Variants in TTC39C observed in about 807,000 individuals in gnomAD.
The protein encoded by TTC39C is tetratricopeptide repeat domain 39C.
A neutral mutation model predicts 76.3 loss-of-function variants in TTC39C; 33 were observed. The ratio of observed to expected loss-of-function variants is 0.43; its 90% CI spans 0.33 to 0.58. The LOEUF is 0.58. Among genes scored for constraint, TTC39C ranks in the 20% least tolerant of loss-of-function variants. TTC39C has a pLI of 0.04. For synonymous variants in TTC39C, 254 were observed against 260.6 expected, an observed-to-expected ratio of 0.97 and a Z score of 0.24; for missense variants, 595 against 701.4, an observed-to-expected ratio of 0.85 and a Z score of 1.71.
intron 7 of TTC39C, chr18:24,115,142 C>T (rs2084874581): frequency 1.3e-5 from 2 of 152,880 alleles, no homozygotes; most frequent in African/African-American, 4.8e-5. Flanking sequence ...CGTGTGAAAC[C>T]TCATGCAGGG....
At chr18:24,130,980 T>TCAAAAC (rs1340996522) in intron 12 of TTC39C, among the ~76,000 whole-genome samples, 1 of 107,996 alleles carries the variant, frequency 9.3e-6, no homozygotes, top group African/African-American at 3.6e-5. Context: ...GCCCAGAAGT[T>TCAAAAC]CAAAACCAAC....
At chr18:24,066,258 C>A (rs1208872048) in intron 3 of TTC39C, 118 bp downstream of exon 3, 4 of 1,292,760 alleles carry the variant, frequency 3.1e-6, no homozygotes, top group Non-Finnish European at 4.2e-6. Flanking sequence ...ACTGAAAAAC[C>A]ACAATGTTTC....
At chr18:24,103,962 T>C (rs923893005) in intron 6 of TTC39C, among the ~76,000 whole-genome samples, 1 of 151,740 alleles carries the variant, frequency 6.6e-6, no homozygotes, top group South Asian at 2.1e-4. Flanking sequence ...GACGGAGTCT[T>C]GTTCTGTCAC....
chr18:24,051,827 G>A lies in TTC39C; in HGVS notation c.168-12313G>A, dbSNP rs796882150. 1.1e-4 allele frequency among the ~76,000 whole-genome samples: 16 copies of A among 152,282 alleles called. 1 individual carries two copies. The highest frequency in any genetic ancestry group is 3.1e-4 in the African/African-American group (13 of 41,560). On this transcript the variant is annotated intron_variant, in intron 1 of 13. Transcript: ENST00000317571. ...TTTTTTGACCCTGTGAGGACAGTTC[G>A]TCAGATGAAATGGGAAGTATGAATT...
At chr18:24,046,627 A>G (rs2083888797) in intron 1 of TTC39C, among the ~76,000 whole-genome samples, 1 of 151,844 alleles carries the variant, frequency 6.6e-6, no homozygotes. Flanking sequence ...AACAGTCTGT[A>G]TTCCTCAATA....
At chr18:24,050,670 G>A (rs1481105055) in intron 1 of TTC39C, among the ~76,000 whole-genome samples, 2 of 151,524 alleles carry the variant, frequency 1.3e-5, no homozygotes, top group Non-Finnish European at 2.9e-5. Context: ...TCAGGAGTTC[G>A]AGACCAGCCT....
intron 6 of TTC39C, among the ~76,000 whole-genome samples, chr18:24,110,145 G>A (rs1599334999): frequency 6.6e-6 from 1 of 152,340 alleles, no homozygotes; most frequent in South Asian, 2.1e-4. Context: ...ATATGTTCCT[G>A]TTATTCCCTG....
intron 10 of TTC39C, among the ~76,000 whole-genome samples, chr18:24,128,000 C>A (rs1187177029): frequency 6.6e-6 from 1 of 152,192 alleles, no homozygotes; most frequent in African/African-American, 2.4e-5. Flanking sequence ...CATTGTCCCT[C>A]CCTGCTCTTC....
chr18:24,083,179 AG>A (rs2084398510), intron 6 of TTC39C, 98 bp downstream of exon 6: 2 of 1,215,310 alleles, frequency 1.6e-6, no homozygotes, highest in Admixed American at 5.6e-5. Flanking sequence ...AGAATGTCCC[AG>A]GGCCCCGGAG....
chr18:24,104,540 C>G (rs2084720090), intron 6 of TTC39C, among the ~76,000 whole-genome samples: 1 of 152,180 alleles, frequency 6.6e-6, no homozygotes, highest in African/African-American at 2.4e-5. Context: ...TCAGGACACT[C>G]TACGTGAAGG....
chr18:24,090,129 A>G (rs1214910038), intron 6 of TTC39C, among the ~76,000 whole-genome samples: 4 of 152,038 alleles, frequency 2.6e-5, no homozygotes, highest in Admixed American at 6.6e-5. Context: ...ATAATCTACT[A>G]TTTTCCTGTT....
chr18:24,023,515 G>C (rs529425802), intron 1 of TTC39C, among the ~76,000 whole-genome samples: 2 of 152,320 alleles, frequency 1.3e-5, no homozygotes, highest in African/African-American at 4.8e-5. Context: ...TCTGTGAGCT[G>C]TTCTCTACTC....
At chr18:23,997,629 AAGAG>A (rs966623266) in intron 1 of TTC39C, among the ~76,000 whole-genome samples, 59 of 148,074 alleles carry the variant, frequency 4.0e-4, no homozygotes, top group Middle Eastern at 3.4e-3. Context: ...AAAGAAAAGA[AAGAG>A]AGGGAGGGAG....
At chr18:24,127,150 C>A (rs2085061409) in intron 10 of TTC39C, among the ~76,000 whole-genome samples, 1 of 152,150 alleles carries the variant, frequency 6.6e-6, no homozygotes, top group Admixed American at 6.5e-5. Flanking sequence ...TGAGATAATT[C>A]TCTAATATCT....
At chr18:24,052,770 A>G (rs1468385947) in intron 1 of TTC39C, among the ~76,000 whole-genome samples, 4 of 152,166 alleles carry the variant, frequency 2.6e-5, no homozygotes, top group African/African-American at 9.7e-5. Flanking sequence ...GCTACGTACT[A>G]TGGGAAAACA....
intron 6 of TTC39C, 88 bp from the exon 7 acceptor site, chr18:24,114,466 A>G (rs539197948): frequency 1.1e-4 from 110 of 1,023,856 alleles, no homozygotes; most frequent in Non-Finnish European, 1.5e-4. Flanking sequence ...TAAAATAACT[A>G]TGAAGGAAAA....
At chr18:24,102,481 A>C (rs889127679) in intron 6 of TTC39C, among the ~76,000 whole-genome samples, 1 of 152,226 alleles carries the variant, frequency 6.6e-6, no homozygotes, top group Non-Finnish European at 1.5e-5. Context: ...AGCAGTGTGC[A>C]TACACAAAAA....
Position 24,014,892 on chromosome 18 carries a change from G to A in TTC39C, c.21G>A (p.Gln7=). Reference sequence around the variant, plus strand: ...CGCCCATGGCCGGCTCGGAGCAGCAGCGGCCGCGGCGGCGGGACGACGGAG... The same window carrying A: ...CGCCCATGGCCGGCTCGGAGCAGCAACGGCCGCGGCGGCGGGACGACGGAG... MAGSEQ[Q]RPRRRDDGDS... Residue 7 remains glutamine (Q), a synonymous_variant, in exon 1 of 14, where the codon CAG becomes CAA. Coordinates refer to ENST00000317571, the MANE Select transcript of TTC39C (RefSeq NM_001135993.2). 1 of 1,482,440 alleles carries A rather than the reference G, an allele frequency of 6.7e-7. No homozygotes were observed. The highest frequency in any genetic ancestry group is 1.3e-5 in the South Asian group (1 of 74,728). 91.8% of individuals were successfully genotyped at this position (1,482,440 alleles called of 1,614,324 possible).
At chr18:24,007,599 G>A (rs1452297967) in intron 1 of TTC39C, among the ~76,000 whole-genome samples, 1 of 152,164 alleles carries the variant, frequency 6.6e-6, no homozygotes, top group Non-Finnish European at 1.5e-5. Context: ...TGCCAGGCTG[G>A]TCTGGAACTT....
Sources: allele counts gnomAD v4.1 joint callset (sites outside exome capture counted in the v4.1 genomes callset), GRCh38; gene constraint gnomAD v4.1.1; transcripts MANE v1.5; gene names NCBI Gene and HGNC (gene_info 2026-07-23, HGNC 2026-07-21).